Variants in FNIP1 observed in about 807,000 individuals in gnomAD.
FNIP1 encodes the protein folliculin interacting protein 1, also known as folliculin-interacting protein 1.
FNIP1 carries 40 observed loss-of-function variants against 124.5 expected under a neutral mutation model. The ratio of observed to expected loss-of-function variants is 0.32; its 90% CI spans 0.25 to 0.42. The LOEUF (loss-of-function observed/expected upper bound fraction) is 0.42. Among genes scored for constraint, FNIP1 ranks in the 10% least tolerant of loss-of-function variants. The pLI, the probability that FNIP1 is intolerant of heterozygous loss-of-function variation, is 1.00. For missense variants in FNIP1, 1,176 were observed against 1,403.7 expected, an observed-to-expected ratio of 0.84 and a Z score of 2.59; for synonymous variants, 472 against 470.6, an observed-to-expected ratio of 1.00 and a Z score of -0.04.
intron 12 of FNIP1, among the ~76,000 whole-genome samples, chr5:131,678,225 T>C (rs1034184899): frequency 3.3e-5 from 5 of 152,178 alleles, no homozygotes; most frequent in Non-Finnish European, 7.3e-5. Context: ...TCCTTACATT[T>C]CCAAATTACT....
chr5:131,792,450 C>T (rs867900255), intron 1 of FNIP1, among the ~76,000 whole-genome samples: 34 of 152,234 alleles, frequency 2.2e-4, no homozygotes, highest in African/African-American at 7.0e-4. Flanking sequence ...CATGAGCCAC[C>T]GTGCCCAGCC....
intron 15 of FNIP1, among the ~76,000 whole-genome samples, chr5:131,658,153 G>A (rs1427028045): frequency 6.6e-6 from 1 of 151,918 alleles, no homozygotes; most frequent in African/African-American, 2.4e-5. Context: ...TTCCAAACTA[G>A]TGCCAGACAA....
intron 15 of FNIP1, among the ~76,000 whole-genome samples, chr5:131,660,086 G>A (rs982539750): frequency 6.6e-6 from 1 of 152,162 alleles, no homozygotes; most frequent in African/African-American, 2.4e-5. Context: ...AGCCATTGTC[G>A]ACGACAAGCA....
At chr5:131,681,963 C>T (rs574709037) in intron 11 of FNIP1, among the ~76,000 whole-genome samples, 5 of 151,808 alleles carry the variant, frequency 3.3e-5, no homozygotes, top group South Asian at 4.2e-4. Context: ...AGCAACATTT[C>T]GTATACTTTT....
At chr5:131,665,468 C>T (rs946562765) in intron 15 of FNIP1, among the ~76,000 whole-genome samples, 1 of 151,582 alleles carries the variant, frequency 6.6e-6, no homozygotes, top group African/African-American at 2.4e-5. Context: ...TAAAGTATCA[C>T]TTCCATTATT....
At chr5:131,673,853 T>C (rs903684159) in intron 13 of FNIP1, among the ~76,000 whole-genome samples, 3 of 151,978 alleles carry the variant, frequency 2.0e-5, no homozygotes, top group East Asian at 1.9e-4. Context: ...CTGGCCAAGA[T>C]GGTAAAACCC....
chr5:131,706,670 G>A (rs1769124524), intron 8 of FNIP1, 124 bp from the exon 9 acceptor site: 1 of 1,019,436 alleles, frequency 9.8e-7, no homozygotes, highest in South Asian at 2.4e-5. Context: ...CCTCAAAAAT[G>A]TTCATTAAAA....
chr5:131,752,095 G>A (rs188691919), intron 1 of FNIP1, among the ~76,000 whole-genome samples: 7 of 152,228 alleles, frequency 4.6e-5, no homozygotes, highest in Non-Finnish European at 8.8e-5. Context: ...ACAGGCTGGA[G>A]TGCAGTGGCG....
At chr5:131,649,026 T>C (rs1766970697) in intron 16 of FNIP1, among the ~76,000 whole-genome samples, 1 of 152,238 alleles carries the variant, frequency 6.6e-6, no homozygotes, top group Non-Finnish European at 1.5e-5. Flanking sequence ...TTGCATTGTA[T>C]ATATTATACC....
At chr5:131,742,652 T>C (rs988555357) in intron 2 of FNIP1, among the ~76,000 whole-genome samples, 11 of 152,214 alleles carry the variant, frequency 7.2e-5, no homozygotes, top group Non-Finnish European at 1.3e-4. Context: ...AAATAGAATA[T>C]TGTACAAATA....
chr5:131,683,381 T>G (rs923263446), intron 11 of FNIP1, among the ~76,000 whole-genome samples: 2 of 151,526 alleles, frequency 1.3e-5, no homozygotes, highest in African/African-American at 4.9e-5. Flanking sequence ...ACCCTGTCGC[T>G]ACTAAAAATA....
intron 15 of FNIP1, among the ~76,000 whole-genome samples, chr5:131,656,114 A>C (rs1182898072): frequency 6.6e-6 from 1 of 152,170 alleles, no homozygotes; most frequent in African/African-American, 2.4e-5. Flanking sequence ...CTGGTGTTTA[A>C]AGGTTCTCAT....
chr5:131,667,573 T>G (rs563719149), intron 15 of FNIP1, among the ~76,000 whole-genome samples: 72 of 150,946 alleles, frequency 4.8e-4, no homozygotes, highest in African/African-American at 1.7e-3. Flanking sequence ...ACTTCTGTTT[T>G]TTTGTTTGTT....
In FNIP1 at chr5:131,672,448, A is replaced by G. The variant is rs1767788714; in HGVS notation, c.1996T>C (p.Tyr666His). 1 of 1,613,492 alleles carries G rather than the reference A, an allele frequency of 6.2e-7. No homozygotes were observed. Among genetic ancestry groups the G allele is most frequent in the Admixed American group, 1.7e-5 (1 of 60,008 alleles). ...QEENAVDVKQ[Y>H]RDKLRTCFDA... ...AAGCAAGTTCTTAATTTATCTCTGT[A>G]CTGTTTAACATCAACAGCATTTTCT... is the stretch of plus-strand genomic sequence containing the variant. Residue 666 changes from tyrosine (Y) to histidine (H), a missense_variant, in exon 14 of 18, where the codon TAC becomes CAC. Tyr to His is a moderately conservative substitution (Grantham distance 83, BLOSUM62 2). Transcript: ENST00000510461.
intron 11 of FNIP1, 150 bp downstream of exon 11, chr5:131,698,767 A>T: frequency 1.9e-6 from 1 of 530,258 alleles, no homozygotes; most frequent in Non-Finnish European, 3.1e-6. Flanking sequence ...TTGAGATGTA[A>T]TAACATAGGA....
At chr5:131,654,195 C>T (rs1307008276) in intron 15 of FNIP1, among the ~76,000 whole-genome samples, 2 of 152,094 alleles carry the variant, frequency 1.3e-5, no homozygotes, top group African/African-American at 4.8e-5. Flanking sequence ...AAACAAAGAC[C>T]AAAAATGACA....
intron 10 of FNIP1, among the ~76,000 whole-genome samples, chr5:131,699,968 T>C (rs1376327748): frequency 1.4e-5 from 2 of 143,682 alleles, no homozygotes; most frequent in African/African-American, 5.0e-5. Context: ...ATAAGATAGC[T>C]AAAGGTGTTA....
At chr5:131,707,135 T>C (rs982631168) in intron 8 of FNIP1, among the ~76,000 whole-genome samples, 5 of 152,230 alleles carry the variant, frequency 3.3e-5, no homozygotes, top group African/African-American at 1.2e-4. Context: ...CTTTCACGGC[T>C]GCAATCCCCT....
intron 3 of FNIP1, among the ~76,000 whole-genome samples, chr5:131,723,882 C>T (rs1769760774): frequency 6.9e-6 from 1 of 145,024 alleles, no homozygotes; most frequent in Admixed American, 7.0e-5. Flanking sequence ...CCCAATAGGT[C>T]CTGGTGTGTG....
Sources: allele counts gnomAD v4.1 joint callset (sites outside exome capture counted in the v4.1 genomes callset), GRCh38; gene constraint gnomAD v4.1.1; transcripts MANE v1.5; gene names NCBI Gene and HGNC (gene_info 2026-07-23, HGNC 2026-07-21).